MAS1: variants seen among roughly 807,000 people sequenced by gnomAD.
The protein encoded by MAS1 is MAS1 proto-oncogene, G protein-coupled receptor.
For missense variants in MAS1, 387 were observed against 409.7 expected, an observed-to-expected ratio of 0.94 and a Z score of 0.48; for synonymous variants, 163 against 164.2, an observed-to-expected ratio of 0.99 and a Z score of 0.05.
chr6:159,905,973 C>T (rs1223888468), intron 2 of MAS1, among the ~76,000 whole-genome samples: 34 of 151,794 alleles, frequency 2.2e-4, no homozygotes, highest in Admixed American at 2.2e-3. Context: ...ACCTGGGAGG[C>T]GGAGGTTGCA....
chr6:159,888,788 C>T (rs544354526), upstream of MAS1, among the ~76,000 whole-genome samples: 36 of 152,300 alleles, frequency 2.4e-4, no homozygotes, highest in African/African-American at 8.4e-4. Flanking sequence ...GTTACCCGCT[C>T]TTGCTACACC....
At chr6:159,899,012 C>T (rs920953119) in intron 1 of MAS1, among the ~76,000 whole-genome samples, 174 bp from the exon 2 acceptor site, 2 of 152,118 alleles carry the variant, frequency 1.3e-5, no homozygotes, top group Non-Finnish European at 2.9e-5. Context: ...CTGAGCCTGG[C>T]ATGTTTTTTA....
intron 1 of MAS1, among the ~76,000 whole-genome samples, chr6:159,891,470 C>G (rs951795645): frequency 1.3e-5 from 2 of 152,106 alleles, no homozygotes; most frequent in African/African-American, 4.8e-5. Context: ...GAATGGTGGA[C>G]TTGGAGGTTT....
chr6:159,902,345 C>G (rs127158), intron 2 of MAS1: 59,457 of 151,936 alleles, frequency 0.39, 12,406 homozygotes, highest in East Asian at 0.8. Context: ...GCCAACATGG[C>G]AGCCCCGAGT....
chr6:159,891,578 C>G (rs1288728370), intron 1 of MAS1, among the ~76,000 whole-genome samples: 1 of 152,184 alleles, frequency 6.6e-6, no homozygotes, highest in Non-Finnish European at 1.5e-5. Flanking sequence ...ACTTGGCTAT[C>G]AGCTCTTTGG....
rs371015680 is a variant in MAS1, at chr6:159,899,368, C to G, written c.-61C>G. ...TGAGGGCTGTCAGGATGAGCTATCC[C>G]TCCACCCCAGGCTGTCACTGCCAGG... On this transcript the variant is annotated 5_prime_UTR_variant, in exon 2 of 3. Transcript: ENST00000674077. 5.3e-5 allele frequency: 8 copies of G among 152,302 alleles called. No homozygotes were observed. The highest frequency in any genetic ancestry group is 1.9e-4 in the African/African-American group (8 of 41,456). 9.4% of individuals were successfully genotyped at this position (152,302 alleles called of 1,614,324 possible). A position where few individuals can be genotyped will look rare whatever the true frequency, so the allele number is the denominator to read the frequency against.
At position 159,899,377 on chromosome 6, in the gene MAS1, A is replaced by T. The variant is rs1449317024; in HGVS notation, c.-52A>T. On this transcript the variant is annotated 5_prime_UTR_variant, in exon 2 of 3. Transcript: ENST00000674077. ...TCAGGATGAGCTATCCCTCCACCCC[A>T]GGCTGTCACTGCCAGGTAAACATGC... 1 of 152,274 alleles carries T rather than the reference A, an allele frequency of 6.6e-6. No homozygotes were observed. Among genetic ancestry groups the T allele is most frequent in the East Asian group, 1.9e-4 (1 of 5,194 alleles). The allele number at this position is 152,274 out of a possible 1,614,324, so 9.4% of individuals were successfully genotyped here. A position where few individuals can be genotyped will look rare whatever the true frequency, so the allele number is the denominator to read the frequency against.
chr6:159,898,039 A>G (rs1782773826), intron 1 of MAS1, among the ~76,000 whole-genome samples: 1 of 151,818 alleles, frequency 6.6e-6, no homozygotes, highest in African/African-American at 2.4e-5. Context: ...TTACAAGTAC[A>G]TGCCACCACG....
At chr6:159,889,478 A>T (rs1430549908), upstream of MAS1, among the ~76,000 whole-genome samples, 1 of 152,036 alleles carries the variant, frequency 6.6e-6, no homozygotes, top group Non-Finnish European at 1.5e-5. Context: ...TTCCTTCGGG[A>T]TCAATTCCTC....
chr6:159,894,251 T>C (rs557351730), intron 1 of MAS1, among the ~76,000 whole-genome samples: 45 of 152,074 alleles, frequency 3.0e-4, no homozygotes, highest in Admixed American at 1.5e-3. Flanking sequence ...ACTCCGTTTC[T>C]ACTAAAAATA....
At chr6:159,905,832 G>A (rs1045924558) in intron 2 of MAS1, among the ~76,000 whole-genome samples, 7 of 152,018 alleles carry the variant, frequency 4.6e-5, no homozygotes, top group African/African-American at 1.4e-4. Flanking sequence ...ACCTGAGGTC[G>A]GGAGTTCAAG....
chr6:159,905,769 C>A (rs116658645), intron 2 of MAS1, among the ~76,000 whole-genome samples: 7,387 of 152,244 alleles, frequency 0.049, 217 homozygotes, highest in Middle Eastern at 0.1. Flanking sequence ...TTGGCCGGCA[C>A]GGTGGCTTAC....
chr6:159,905,901 G>A (rs375111384), intron 2 of MAS1, among the ~76,000 whole-genome samples: 1 of 152,088 alleles, frequency 6.6e-6, no homozygotes, highest in Non-Finnish European at 1.5e-5. Flanking sequence ...AATTAGCCAG[G>A]CATTGTGGCA....
At chr6:159,901,304 T>A (rs1782818869) in intron 2 of MAS1, among the ~76,000 whole-genome samples, 1 of 152,114 alleles carries the variant, frequency 6.6e-6, no homozygotes, top group Admixed American at 6.5e-5. Flanking sequence ...TCCACAACAG[T>A]CAATAAGATA....
rs114855331 is a variant in MAS1, at chr6:159,891,866, C to A, written c.-244+733C>A. On this transcript the variant is annotated intron_variant, in intron 1 of 2. Transcript: ENST00000674077. ...AAGGTGGTAAGAAGCTGGCCTCTAG[C>A]AGAGTGCCACGGCCTCGGCACTACT... Among the ~76,000 whole-genome samples the A allele has an allele frequency of 3.0e-3, 452 of 152,258 alleles. 5 individuals are homozygous for A. The highest frequency in any genetic ancestry group is 0.01 in the African/African-American group (431 of 41,536).
In MAS1 at chr6:159,908,269, G is replaced by A. The variant is rs1365261425; in HGVS notation, c.*336G>A. On this transcript the variant is annotated 3_prime_UTR_variant, in exon 3 of 3. Coordinates refer to ENST00000674077, the MANE Select transcript of MAS1 (RefSeq NM_002377.4). Reference sequence around the variant, plus strand: ...GAACTTGAGGAGGCAGCTTGATGTAGCAGGAAGAACAAGGGTCGCTTCCTG... The same window carrying A: ...GAACTTGAGGAGGCAGCTTGATGTAACAGGAAGAACAAGGGTCGCTTCCTG... 2 of 175,926 alleles carry A rather than the reference G, an allele frequency of 1.1e-5. No homozygotes were observed. Among genetic ancestry groups the A allele is most frequent in the African/African-American group, 4.7e-5 (2 of 42,376 alleles). The allele number at this position is 175,926 out of a possible 1,614,324, so 10.9% of individuals were successfully genotyped here. A position where few individuals can be genotyped will look rare whatever the true frequency, so the allele number is the denominator to read the frequency against.
Position 159,912,635 on chromosome 6 carries a change from G to A in MAS1, c.*4702G>A, listed in dbSNP as rs1216966734. 2.0e-5 allele frequency: 3 copies of A among 152,168 alleles called. No individual in the cohort carries two copies. The highest frequency in any genetic ancestry group is 4.4e-5 in the Non-Finnish European group (3 of 68,046). The allele number at this position is 152,168 out of a possible 1,614,324, so 9.4% of individuals were successfully genotyped here. On this transcript the variant is annotated 3_prime_UTR_variant, in exon 3 of 3. Coordinates refer to ENST00000674077, the MANE Select transcript of MAS1 (RefSeq NM_002377.4). ...AAAAATCCTTGATATGAAAACATTAGCAAATGTATCACTTATAAAATGGGT... is the reference window on the plus strand; with the variant it reads ...AAAAATCCTTGATATGAAAACATTAACAAATGTATCACTTATAAAATGGGT...
At position 159,910,325 on chromosome 6, in the gene MAS1, C is replaced by T. The variant is rs914113385; in HGVS notation, c.*2392C>T. On this transcript the variant is annotated 3_prime_UTR_variant, in exon 3 of 3. Coordinates refer to ENST00000674077, the MANE Select transcript of MAS1 (RefSeq NM_002377.4). Reference sequence around the variant, plus strand: ...GTCTATGTCATAGGAGAAAGAGACACCGCATAACTACAACACCAGGCTGCA... The same window carrying T: ...GTCTATGTCATAGGAGAAAGAGACATCGCATAACTACAACACCAGGCTGCA... The T allele has an allele frequency of 5.3e-5, 8 of 152,236 alleles. No homozygotes were observed. The highest frequency in any genetic ancestry group is 3.3e-4 in the Admixed American group (5 of 15,284). The allele number at this position is 152,236 out of a possible 1,614,324, so 9.4% of individuals were successfully genotyped here.
chr6:159,901,766 G>A (rs780284498), intron 2 of MAS1, among the ~76,000 whole-genome samples: 9 of 151,406 alleles, frequency 5.9e-5, no homozygotes, highest in Non-Finnish European at 1.3e-4. Flanking sequence ...AGGCAGGAGT[G>A]TCACCTGAGC....
Sources: allele counts gnomAD v4.1 joint callset (sites outside exome capture counted in the v4.1 genomes callset), GRCh38; gene constraint gnomAD v4.1.1; transcripts MANE v1.5; gene names NCBI Gene and HGNC (gene_info 2026-07-23, HGNC 2026-07-21).